The following GABRG3 variants were observed in gnomAD, a reference collection of about 807,000 sequenced individuals.
GABRG3 encodes gamma-aminobutyric acid type A receptor subunit gamma3, also known as gamma-aminobutyric acid receptor subunit gamma-3.
Under a neutral mutation model 48.8 loss-of-function variants are expected in GABRG3, and 25 were observed. The observed-to-expected ratio is 0.51, with a 90% CI of 0.37 to 0.72. The LOEUF (loss-of-function observed/expected upper bound fraction) is 0.72, where lower values mean the gene tolerates loss of function less well. Among genes scored for constraint, GABRG3 ranks in the 30% least tolerant of loss-of-function variants. The pLI is 0.00. For missense variants in GABRG3, 394 were observed against 577.9 expected (o/e 0.68, Z 3.26); for synonymous variants, 227 against 217.6 (o/e 1.04, Z -0.38).
At chr15:27,193,775 C>G (rs976883213) in intron 3 of GABRG3, among the ~76,000 whole-genome samples, 1 of 152,198 alleles carries the variant, frequency 6.6e-6, no homozygotes, top group Admixed American at 6.5e-5. Context: ...AACCCGGTAC[C>G]TCAGATGGAA....
intron 2 of GABRG3, among the ~76,000 whole-genome samples, chr15:26,985,239 T>G (rs2140641614): frequency 6.6e-6 from 1 of 152,304 alleles, no homozygotes; most frequent in East Asian, 1.9e-4. Flanking sequence ...CAGGGCTTGC[T>G]TTCTTCCAGC....
chr15:27,097,572 G>C (rs1897286034), intron 3 of GABRG3, among the ~76,000 whole-genome samples: 1 of 151,300 alleles, frequency 6.6e-6, no homozygotes, highest in African/African-American at 2.4e-5. Flanking sequence ...TTGTCTTTCA[G>C]GATTACAGCT....
At chr15:27,390,090 T>G (rs2140575486) in intron 5 of GABRG3, among the ~76,000 whole-genome samples, 1 of 152,372 alleles carries the variant, frequency 6.6e-6, no homozygotes, top group African/African-American at 2.4e-5. Context: ...TTGTTATTTG[T>G]TTCAACTTTT....
intron 3 of GABRG3, among the ~76,000 whole-genome samples, chr15:27,251,229 T>C (rs186736501): frequency 1.9e-4 from 29 of 152,270 alleles, no homozygotes; most frequent in Admixed American, 1.7e-3. Context: ...TTGAACTTAG[T>C]TCCTGCCTCT....
At chr15:27,053,513 G>A (rs1471593622) in intron 3 of GABRG3, among the ~76,000 whole-genome samples, 1 of 152,200 alleles carries the variant, frequency 6.6e-6, no homozygotes, top group Admixed American at 6.5e-5. Context: ...CAGAGAAAAT[G>A]GAACACTTAT....
intron 3 of GABRG3, among the ~76,000 whole-genome samples, chr15:27,290,381 G>T (rs1477817569): frequency 6.6e-6 from 1 of 151,738 alleles, no homozygotes; most frequent in Non-Finnish European, 1.5e-5. Flanking sequence ...TCAGTAAAAT[G>T]ATTTTCTTTT....
chr15:27,383,260 T>C (rs1895830014), intron 5 of GABRG3, among the ~76,000 whole-genome samples: 1 of 152,350 alleles, frequency 6.6e-6, no homozygotes, highest in African/African-American at 2.4e-5. Context: ...CTATTACTTA[T>C]TTGTCATGAG....
At chr15:27,451,635 T>C (rs1256877400) in intron 5 of GABRG3, among the ~76,000 whole-genome samples, 1 of 152,168 alleles carries the variant, frequency 6.6e-6, no homozygotes, top group Non-Finnish European at 1.5e-5. Flanking sequence ...TGTGTGATAA[T>C]GTTTTAAATA....
At chr15:27,300,923 C>T (rs1354856812) in intron 3 of GABRG3, among the ~76,000 whole-genome samples, 1 of 152,030 alleles carries the variant, frequency 6.6e-6, no homozygotes, top group Non-Finnish European at 1.5e-5. Context: ...GCCAAGATCG[C>T]ACCACTGTAC....
chr15:27,194,268 AT>A (rs1410233337), intron 3 of GABRG3, among the ~76,000 whole-genome samples: 1 of 152,210 alleles, frequency 6.6e-6, no homozygotes, highest in Non-Finnish European at 1.5e-5. Context: ...AGATGGTGTT[AT>A]GATTCAACCA....
At chr15:27,357,307 T>A (rs914627982) in intron 5 of GABRG3, among the ~76,000 whole-genome samples, 1 of 152,154 alleles carries the variant, frequency 6.6e-6, no homozygotes, top group Non-Finnish European at 1.5e-5. Flanking sequence ...TTAGCAGCCA[T>A]GAAATTCAAG....
At chr15:27,149,061 G>A (rs542351198) in intron 3 of GABRG3, among the ~76,000 whole-genome samples, 1 of 152,120 alleles carries the variant, frequency 6.6e-6, no homozygotes, top group Non-Finnish European at 1.5e-5. Context: ...AAGTAAAACT[G>A]TATTTGCAGA....
chr15:27,094,744 T>A (rs1204499417), intron 3 of GABRG3, among the ~76,000 whole-genome samples: 1 of 152,204 alleles, frequency 6.6e-6, no homozygotes, highest in Non-Finnish European at 1.5e-5. Flanking sequence ...TTTTATGCTT[T>A]GTGCAGCATA....
At chr15:26,992,076 T>G (rs1036665244) in intron 2 of GABRG3, among the ~76,000 whole-genome samples, 8 of 152,228 alleles carry the variant, frequency 5.3e-5, no homozygotes, top group African/African-American at 1.9e-4. Context: ...GATTTTTGTA[T>G]GTCAAACTGT....
intron 3 of GABRG3, among the ~76,000 whole-genome samples, chr15:27,240,583 C>T (rs187630734): frequency 7.2e-5 from 11 of 152,282 alleles, no homozygotes; most frequent in Admixed American, 1.3e-4. Flanking sequence ...ATATTTATTA[C>T]ATTTTTCCTA....
intron 3 of GABRG3, among the ~76,000 whole-genome samples, chr15:27,278,277 C>G (rs1463258675): frequency 6.6e-6 from 1 of 152,098 alleles, no homozygotes; most frequent in Non-Finnish European, 1.5e-5. Flanking sequence ...GTCTCAAACT[C>G]CTGACCTTGT....
intron 3 of GABRG3, among the ~76,000 whole-genome samples, chr15:27,314,718 A>T (rs571834526): frequency 1.3e-5 from 2 of 152,352 alleles, no homozygotes; most frequent in East Asian, 3.9e-4. Flanking sequence ...GGAATTATTT[A>T]ACCTTTAAAA....
chr15:27,436,106 A>T (rs1483199087), intron 5 of GABRG3, among the ~76,000 whole-genome samples: 1 of 152,206 alleles, frequency 6.6e-6, no homozygotes, highest in Non-Finnish European at 1.5e-5. Flanking sequence ...AGAATACCAA[A>T]GACTGGGGGG....
chr15:27,354,287 C>A (rs1894759676), intron 5 of GABRG3, among the ~76,000 whole-genome samples: 1 of 152,180 alleles, frequency 6.6e-6, no homozygotes. Context: ...TGCTGCAAGC[C>A]CCTGCGTACC....
Sources: gnomAD v4.1 joint callset for allele counts (sites outside exome capture counted in the v4.1 genomes callset) on GRCh38, gnomAD v4.1.1 for gene constraint, MANE v1.5 for transcripts, NCBI Gene and HGNC (gene_info 2026-07-23, HGNC 2026-07-21) for gene names.